Variants in BRCA1 observed in about 807,000 individuals in gnomAD.
The protein encoded by BRCA1 is breast cancer type 1 susceptibility protein.
Under a neutral mutation model 173.7 loss-of-function variants are expected in BRCA1, and 140 were observed. The ratio of observed to expected loss-of-function variants is 0.81; its 90% CI spans 0.70 to 0.93. The LOEUF is 0.93. Ranked by LOEUF, BRCA1 falls within the 40% of genes least tolerant of loss-of-function variation. BRCA1 has a pLI of 0.00. For synonymous variants in BRCA1, 662 were observed against 756.0 expected (o/e 0.88, Z 2.04); for missense variants, 1,983 against 2,172.5 (o/e 0.91, Z 1.73).
Position 43,100,656 on chromosome 17 carries a change from A to T in BRCA1, c.442-776T>A, listed in dbSNP as rs1286481214. Reference sequence around the variant, plus strand: ...GTTATATATATATAACATATATATAACATATATATATATATATATATAATA... The same window carrying T: ...GTTATATATATATAACATATATATATCATATATATATATATATATATAATA... On this transcript the variant is annotated intron_variant, in intron 6 of 22. Transcript: ENST00000357654. Among the ~76,000 whole-genome samples the T allele has an allele frequency of 6.5e-4, 13 of 20,154 alleles. No homozygotes were observed. The South Asian group carries it at 9.4e-3, about 15-fold the overall frequency. 13.2% of individuals were successfully genotyped at this position (20,154 alleles called of 152,430 possible).
At chr17:43,085,352 T>G (rs1410702465) in intron 11 of BRCA1, among the ~76,000 whole-genome samples, 2 of 151,244 alleles carry the variant, frequency 1.3e-5, no homozygotes, top group Non-Finnish European at 2.9e-5. Context: ...AGAGCAAAAC[T>G]CTGTCTCAAA....
intron 16 of BRCA1, 145 bp downstream of exon 16, chr17:43,067,463 C>A (rs1186490850): frequency 6.1e-6 from 4 of 651,348 alleles, no homozygotes; most frequent in Middle Eastern, 2.7e-4. Flanking sequence ...ACCATGCTGG[C>A]CAGGATGGTC....
intron 16 of BRCA1, among the ~76,000 whole-genome samples, chr17:43,065,430 A>T (rs934837174): frequency 6.6e-6 from 1 of 152,138 alleles, no homozygotes; most frequent in Non-Finnish European, 1.5e-5. Flanking sequence ...GCACTTTGGG[A>T]GGCCGAGGTA....
rs80357522 is a variant in BRCA1 at position 43,093,569 on chromosome 17, C to CT, written c.1961dup (p.Tyr655ValfsTer18). The CT allele has an allele frequency of 6.2e-6, 10 of 1,613,796 alleles. No individual in the cohort carries two copies. In the South Asian group the frequency reaches 6.6e-5, roughly 11 times the overall value. On this transcript the variant is annotated frameshift_variant, in exon 10 of 23. Coordinates refer to ENST00000357654, the MANE Select transcript of BRCA1 (RefSeq NM_007294.4). LOFTEE classifies it high-confidence loss of function. ...TGTGCCTGACTGGCATTTGGTTGTA[C>CT]TTTTTTTTCTTTATCTCTTCACTGC...
At chr17:43,091,114 C>T (rs754726354) in intron 10 of BRCA1, 82 bp from the exon 11 acceptor site, 58 of 1,273,228 alleles carry the variant, frequency 4.6e-5, no homozygotes, top group Non-Finnish European at 6.1e-5. Flanking sequence ...TTCTCATTGG[C>T]AGGACTGGAT....
rs398122675 is a variant in BRCA1, at chr17:43,091,889, C to G, written c.3642G>C (p.Glu1214Asp). 1 of 1,614,130 alleles carries G rather than the reference C, an allele frequency of 6.2e-7. No homozygotes were observed. The highest frequency in any genetic ancestry group is 1.3e-5 in the African/African-American group (1 of 75,038). ...RGAKKLESSE[E>D]NLSSEDEELP... Reference sequence around the variant, plus strand: ...GCTCTTCATCCTCACTAGATAAGTTCTCTTCTGAGGACTCTAATTTCTTGG... The same window carrying G: ...GCTCTTCATCCTCACTAGATAAGTTGTCTTCTGAGGACTCTAATTTCTTGG... The change falls in exon 10 of 23, where the codon GAG becomes GAC. Residue 1214 changes from glutamate to aspartate, a missense_variant. Coordinates refer to ENST00000357654, the MANE Select transcript of BRCA1 (RefSeq NM_007294.4).
intron 13 of BRCA1, 61 bp from the exon 14 acceptor site, chr17:43,074,582 T>C (rs2154026335): frequency 6.7e-7 from 1 of 1,489,466 alleles, no homozygotes; most frequent in South Asian, 1.2e-5. Flanking sequence ...CAAATCATAC[T>C]TGCTGGGCAG....
intron 1 of BRCA1, among the ~76,000 whole-genome samples, chr17:43,136,217 A>G (rs2056021921): frequency 6.6e-6 from 1 of 152,230 alleles, no homozygotes. Context: ...GGCATTGGGA[A>G]AACTGGCTAG....
In BRCA1 at chr17:43,121,683, C is replaced by CAAAAA. The variant is rs71160013; in HGVS notation, c.80+2329_80+2333dup. On this transcript the variant is annotated intron_variant, in intron 2 of 22. Coordinates refer to ENST00000357654, the MANE Select transcript of BRCA1 (RefSeq NM_007294.4). ...GGGCAACAAGAGCCAAAGTCTGTCT[C>CAAAAA]AAAAAAAAAAAAAAAAAAAAAAAAA... Among the ~76,000 whole-genome samples the CAAAAA allele has an allele frequency of 3.1e-3, 102 of 32,800 alleles. 2 individuals carry two copies. The highest frequency in any genetic ancestry group is 3.9e-3 in the East Asian group (4 of 1,036). 21.5% of individuals were successfully genotyped at this position (32,800 alleles called of 152,430 possible).
At chr17:43,161,111 A>G (rs1481826768) in intron 1 of BRCA1, 3 of 152,144 alleles carry the variant, frequency 2.0e-5, no homozygotes, top group Admixed American at 6.5e-5. Context: ...GTAAGGTTAA[A>G]TTTCCTACAG....
chr17:43,141,486 A>T (rs2056074832), intron 1 of BRCA1, among the ~76,000 whole-genome samples: 1 of 151,806 alleles, frequency 6.6e-6, no homozygotes, highest in Admixed American at 6.6e-5. Context: ...AAAAATGTGC[A>T]CATTTGAGAT....
At chr17:43,159,432 G>A (rs1167445980) in intron 1 of BRCA1, 3 of 160,490 alleles carry the variant, frequency 1.9e-5, no homozygotes, top group East Asian at 1.8e-4. Flanking sequence ...CCTCCCTCCC[G>A]GACGGGGTGG....
rs80357583 is a variant in BRCA1, at chr17:43,093,261, AC to A, written c.2269del (p.Val757PhefsTer8). ...CTCTACAGATCTTTCAGTTTGCAAA[AC>A]CCTTTCTCCACTTAACATGAGATCT... Reference protein sequence around the residue: ...PKDLMLSGERVLQTERSVESS... With the variant: ...PKDLMLSGERXLQTERSVESS... On this transcript the variant is annotated frameshift_variant, in exon 10 of 23. Coordinates refer to ENST00000357654, the MANE Select transcript of BRCA1 (RefSeq NM_007294.4). LOFTEE classifies it high-confidence loss of function. 4 of 1,613,986 alleles carry A rather than the reference AC, an allele frequency of 2.5e-6. No individual in the cohort carries two copies. The highest frequency in any genetic ancestry group is 1.1e-5 in the South Asian group (1 of 91,074).
At chr17:43,141,729 G>A (rs552536427) in intron 1 of BRCA1, among the ~76,000 whole-genome samples, 7 of 150,636 alleles carry the variant, frequency 4.6e-5, no homozygotes, top group South Asian at 4.2e-4. Context: ...GGAGAATGGC[G>A]TGAACCTGGG....
chr17:43,138,816 C>T (rs1361469396), intron 1 of BRCA1: 1 of 778,712 alleles, frequency 1.3e-6, no homozygotes, highest in African/African-American at 1.7e-5. Flanking sequence ...CAGCTGGACT[C>T]CATACTCCCC....
At chr17:43,054,490 A>T (rs1359919805) in intron 19 of BRCA1, among the ~76,000 whole-genome samples, 1 of 151,976 alleles carries the variant, frequency 6.6e-6, no homozygotes, top group Non-Finnish European at 1.5e-5. Flanking sequence ...GCCAGGCTGG[A>T]GTGCAGTAGC....
chr17:43,133,936 C>G (rs939588365), intron 1 of BRCA1, among the ~76,000 whole-genome samples: 2 of 152,170 alleles, frequency 1.3e-5, no homozygotes, highest in Non-Finnish European at 2.9e-5. Context: ...CGCCCAGCCT[C>G]CTTTTTCACT....
Position 43,093,351 on chromosome 17 carries a change from G to A in BRCA1, c.2180C>T (p.Pro727Leu), listed in dbSNP as rs80356912. 2.5e-6 allele frequency: 4 copies of A among 1,613,294 alleles called. No homozygotes were observed. Among genetic ancestry groups the A allele is most frequent in the Non-Finnish European group, 2.5e-6 (3 of 1,179,818 alleles). Residue 727 changes from proline to leucine, a missense_variant, in exon 10 of 23, where the codon CCA becomes CTA. Pro to Leu is a moderately conservative substitution (Grantham distance 98). Transcript: ENST00000357654. ...ELKEFVNPSL[P>L]REEKEEKLET... The stretch of plus-strand genomic sequence containing the variant: ...TAGTTTCTCTTCTTTTTCTTCTCTT[G>A]GAAGGCTAGGATTGACAAATTCTTT...
At chr17:43,138,874 C>T (rs768975952) in intron 1 of BRCA1, 2 of 778,880 alleles carry the variant, frequency 2.6e-6, no homozygotes, top group Non-Finnish European at 4.8e-6. Flanking sequence ...ACCTCAGCAG[C>T]GGTGTCCCAA....
Sources: allele counts gnomAD v4.1 joint callset (sites outside exome capture counted in the v4.1 genomes callset), GRCh38; gene constraint gnomAD v4.1.1; transcripts MANE v1.5; gene names NCBI Gene and HGNC (gene_info 2026-07-23, HGNC 2026-07-21).